KCNK13: variants seen among roughly 807,000 people sequenced by gnomAD.
KCNK13 encodes potassium channel subfamily K member 13.
A neutral mutation model predicts 23.4 loss-of-function variants in KCNK13; 12 were observed. The ratio of observed to expected loss-of-function variants is 0.51; its 90% CI spans 0.33 to 0.83. KCNK13 has a LOEUF of 0.83. Among genes scored for constraint, KCNK13 ranks in the 40% least tolerant of loss-of-function variants. KCNK13 has a pLI of 0.02. For synonymous variants in KCNK13, 231 were observed against 229.5 expected, an observed-to-expected ratio of 1.01 and a Z score of -0.06; for missense variants, 463 against 556.3, an observed-to-expected ratio of 0.83 and a Z score of 1.69.
intron 1 of KCNK13, among the ~76,000 whole-genome samples, chr14:90,140,282 C>A (rs80268664): frequency 2.7e-3 from 405 of 152,286 alleles, no homozygotes; most frequent in African/African-American, 9.5e-3. Flanking sequence ...AGTGCCTGTT[C>A]TCACCTATAA....
intron 1 of KCNK13, among the ~76,000 whole-genome samples, chr14:90,141,059 T>C (rs57671392): frequency 0.063 from 9,613 of 152,172 alleles, 395 homozygotes; most frequent in South Asian, 0.21. Context: ...AAATGGGGGT[T>C]CTCCTGGACA....
chr14:90,088,976 G>A (rs924858419), intron 1 of KCNK13, among the ~76,000 whole-genome samples: 6 of 152,198 alleles, frequency 3.9e-5, no homozygotes, highest in African/African-American at 1.4e-4. Context: ...CAGCCATGTG[G>A]AACGTAAGTC....
Position 90,125,629 on chromosome 14 carries a change from GCA to G in KCNK13, c.335-58471_335-58470del, listed in dbSNP as rs957912216. ...CACACACACACACACACACACACGC[GCA>G]CACACACACAATGATGGAGTATGTC... On this transcript the variant is annotated intron_variant, in intron 1 of 1. Coordinates refer to ENST00000282146, the MANE Select transcript of KCNK13 (RefSeq NM_022054.4). 1.2e-4 allele frequency among the ~76,000 whole-genome samples: 15 copies of G among 126,980 alleles called. No homozygotes were observed. The South Asian group carries it at 1.9e-3, about 16-fold the overall frequency. 83.3% of individuals were successfully genotyped at this position (126,980 alleles called of 152,430 possible).
chr14:90,099,418 G>C (rs1049468641), intron 1 of KCNK13, among the ~76,000 whole-genome samples: 10 of 152,092 alleles, frequency 6.6e-5, no homozygotes, highest in Non-Finnish European at 1.5e-4. Flanking sequence ...CTTGTTTCTT[G>C]TTAATGACCT....
At chr14:90,117,178 C>T (rs997236051) in intron 1 of KCNK13, among the ~76,000 whole-genome samples, 1 of 152,162 alleles carries the variant, frequency 6.6e-6, no homozygotes, top group Non-Finnish European at 1.5e-5. Flanking sequence ...GATGGTTACT[C>T]ATTGACTCAG....
At chr14:90,109,430 G>T (rs1391703778) in intron 1 of KCNK13, among the ~76,000 whole-genome samples, 2 of 139,978 alleles carry the variant, frequency 1.4e-5, no homozygotes, top group East Asian at 4.1e-4. Flanking sequence ...TTTTTTTGAG[G>T]CGGAGTCTTG....
rs116518924 is a variant in KCNK13, at chr14:90,115,030, C to T, written c.334+52491C>T. 5.9e-3 allele frequency among the ~76,000 whole-genome samples: 901 copies of T among 152,286 alleles called. 9 individuals are homozygous for T. The highest frequency in any genetic ancestry group is 0.019 in the African/African-American group (802 of 41,544). On this transcript the variant is annotated intron_variant, in intron 1 of 1. Coordinates refer to ENST00000282146, the MANE Select transcript of KCNK13 (RefSeq NM_022054.4). Reference sequence around the variant, plus strand: ...CTTGTTTGCATTTAAATCCAAAGTCCGATCCAAATCACTTCTACCAACCCA... The same window carrying T: ...CTTGTTTGCATTTAAATCCAAAGTCTGATCCAAATCACTTCTACCAACCCA...
chr14:90,100,612 C>T (rs540246174), intron 1 of KCNK13, among the ~76,000 whole-genome samples: 18 of 152,268 alleles, frequency 1.2e-4, no homozygotes, highest in African/African-American at 4.3e-4. Flanking sequence ...TTTGATTTGT[C>T]CATGTGAAAC....
At chr14:90,161,010 C>A (rs1001459103) in intron 1 of KCNK13, among the ~76,000 whole-genome samples, 15 of 152,112 alleles carry the variant, frequency 9.9e-5, no homozygotes, top group Non-Finnish European at 1.6e-4. Flanking sequence ...CTGTTCCTAA[C>A]AGCATTATTC....
intron 1 of KCNK13, among the ~76,000 whole-genome samples, chr14:90,178,299 T>C (rs554787200): frequency 4.3e-4 from 65 of 151,824 alleles, no homozygotes; most frequent in Middle Eastern, 6.8e-3. Context: ...TTTTTATTTT[T>C]ATTTTTTTTG....
chr14:90,106,363 T>A (rs1889543692), intron 1 of KCNK13, among the ~76,000 whole-genome samples: 1 of 151,510 alleles, frequency 6.6e-6, no homozygotes, highest in African/African-American at 2.4e-5. Flanking sequence ...TCACCTGAGG[T>A]CAGGAGTTCG....
At chr14:90,153,934 G>A (rs116649753) in intron 1 of KCNK13, among the ~76,000 whole-genome samples, 1,548 of 152,264 alleles carry the variant, frequency 0.01, 20 homozygotes, top group African/African-American at 0.035. Context: ...CTGTCCTGGC[G>A]TCACCAGGTG....
intron 1 of KCNK13, among the ~76,000 whole-genome samples, chr14:90,113,235 T>A (rs946045633): frequency 6.6e-6 from 1 of 152,032 alleles, no homozygotes; most frequent in Non-Finnish European, 1.5e-5. Flanking sequence ...GTTTTTTTTT[T>A]AAATGGAAAA....
At chr14:90,130,931 G>A (rs79412743) in intron 1 of KCNK13, among the ~76,000 whole-genome samples, 15,063 of 152,248 alleles carry the variant, frequency 0.099, 1,063 homozygotes, top group Admixed American at 0.25. Context: ...TTTCGTCAGC[G>A]AGACCCAAGT....
intron 1 of KCNK13, among the ~76,000 whole-genome samples, chr14:90,091,868 C>T (rs1050574694): frequency 6.6e-6 from 1 of 150,996 alleles, no homozygotes; most frequent in Non-Finnish European, 1.5e-5. Flanking sequence ...CTTACCTAAA[C>T]GTTGGCAAGA....
At chr14:90,110,128 G>T (rs935375069) in intron 1 of KCNK13, among the ~76,000 whole-genome samples, 1 of 152,214 alleles carries the variant, frequency 6.6e-6, no homozygotes, top group African/African-American at 2.4e-5. Context: ...TGTAGGGGCA[G>T]CGTTGCCCCT....
rs538435526 is a variant in KCNK13 at position 90,178,001 on chromosome 14, GAC to G, written c.335-6105_335-6104del. Among the ~76,000 whole-genome samples, 357 of 152,154 alleles carry G rather than the reference GAC, an allele frequency of 2.3e-3. 1 individual carries two copies. The highest frequency in any genetic ancestry group is 4.4e-3 in the Non-Finnish European group (299 of 67,994). ...TATGTCAGGCGTGACTCATGCTGCAGACACACTGCAGACACACAAAGTTGCTC... is the reference window on the plus strand; with the variant it reads ...TATGTCAGGCGTGACTCATGCTGCAGACACTGCAGACACACAAAGTTGCTC... On this transcript the variant is annotated intron_variant, in intron 1 of 1. Coordinates refer to ENST00000282146, the MANE Select transcript of KCNK13 (RefSeq NM_022054.4).
At chr14:90,176,497 G>T (rs942657426) in intron 1 of KCNK13, among the ~76,000 whole-genome samples, 1 of 151,980 alleles carries the variant, frequency 6.6e-6, no homozygotes, top group African/African-American at 2.4e-5. Context: ...GACATTGGAG[G>T]GGCTTTTTAC....
At chr14:90,133,773 ATCT>A (rs1313695615) in intron 1 of KCNK13, among the ~76,000 whole-genome samples, 1 of 151,934 alleles carries the variant, frequency 6.6e-6, no homozygotes, top group Admixed American at 6.6e-5. Context: ...CTCAACTCTA[ATCT>A]TCTGTAAGAC....
Sources: allele counts gnomAD v4.1 joint callset (sites outside exome capture counted in the v4.1 genomes callset), GRCh38; gene constraint gnomAD v4.1.1; transcripts MANE v1.5; gene names NCBI Gene and HGNC (gene_info 2026-07-23, HGNC 2026-07-21).